Variants in MAP2K4 observed in about 807,000 individuals in gnomAD.
MAP2K4 encodes the protein dual specificity mitogen-activated protein kinase kinase 4.
Under a neutral mutation model 48.5 loss-of-function variants are expected in MAP2K4, and 4 were observed. The observed-to-expected ratio is 0.08, with a 90% CI of 0.04 to 0.19. MAP2K4 has a LOEUF of 0.19. Among genes scored for constraint, MAP2K4 ranks in the 10% least tolerant of loss-of-function variants. The pLI, the probability that MAP2K4 is intolerant of heterozygous loss-of-function variation, is 1.00. For missense variants in MAP2K4, 258 were observed against 493.3 expected (o/e 0.52, Z 4.52); for synonymous variants, 166 against 173.1 (o/e 0.96, Z 0.32).
intron 5 of MAP2K4, among the ~76,000 whole-genome samples, chr17:12,108,278 A>G (rs1440162470): frequency 6.6e-6 from 1 of 152,120 alleles, no homozygotes; most frequent in African/African-American, 2.4e-5. Context: ...GAAGCCCCAT[A>G]ATTGAAGCCC....
intron 1 of MAP2K4, among the ~76,000 whole-genome samples, chr17:12,022,077 C>T (rs893355834): frequency 3.3e-5 from 5 of 152,098 alleles, no homozygotes; most frequent in Admixed American, 1.3e-4. Context: ...GTTGGGGTAC[C>T]CTTGGTAGTC....
intron 3 of MAP2K4, among the ~76,000 whole-genome samples, chr17:12,088,522 A>G (rs994042642): frequency 1.1e-5 from 1 of 94,250 alleles, no homozygotes; most frequent in African/African-American, 3.1e-5. Context: ...ATATGTATGT[A>G]ATATATAATA....
chr17:12,039,784 GTTTC>G (rs1969717953), intron 1 of MAP2K4, among the ~76,000 whole-genome samples: 1 of 152,146 alleles, frequency 6.6e-6, no homozygotes, highest in Non-Finnish European at 1.5e-5. Flanking sequence ...TGTCTCTTAA[GTTTC>G]TTTAAGTCTG....
At chr17:12,053,798 T>C (rs1970209787) in intron 1 of MAP2K4, among the ~76,000 whole-genome samples, 1 of 152,082 alleles carries the variant, frequency 6.6e-6, no homozygotes, top group African/African-American at 2.4e-5. Context: ...CTCCATCCAG[T>C]GTGGCTCCGT....
intron 4 of MAP2K4, 88 bp downstream of exon 4, chr17:12,095,782 A>G: frequency 6.5e-6 from 9 of 1,379,512 alleles, no homozygotes; most frequent in African/African-American, 1.4e-5. Context: ...CTTAAATGCC[A>G]TACATTAGTA....
chr17:12,042,135 C>T (rs1377343774), intron 1 of MAP2K4, among the ~76,000 whole-genome samples: 8 of 114,884 alleles, frequency 7.0e-5, no homozygotes, highest in East Asian at 3.0e-4. Flanking sequence ...GAACCGAGAT[C>T]GTGCCTGGGC....
chr17:12,047,585 T>TA (rs1424309386), intron 1 of MAP2K4, among the ~76,000 whole-genome samples: 4 of 152,242 alleles, frequency 2.6e-5, no homozygotes, highest in Non-Finnish European at 5.9e-5. Flanking sequence ...TGGATTAGGA[T>TA]AGGAATAAGA....
chr17:12,024,218 G>A (rs1057391175), intron 1 of MAP2K4, among the ~76,000 whole-genome samples: 4 of 152,162 alleles, frequency 2.6e-5, no homozygotes, highest in African/African-American at 9.7e-5. Context: ...TGAAACAGAA[G>A]TCTAGCTATC....
At chr17:12,121,704 G>A (rs770165424) in intron 7 of MAP2K4, among the ~76,000 whole-genome samples, 3 of 151,878 alleles carry the variant, frequency 2.0e-5, no homozygotes, top group Non-Finnish European at 2.9e-5. Flanking sequence ...AGAAGGTCTC[G>A]CATTCTTATA....
chr17:12,081,832 A>C lies in MAP2K4; in HGVS notation c.393+302A>C, dbSNP rs556626012. The C allele has an allele frequency of 3.0e-4, 152 of 500,044 alleles. No individual in the cohort carries two copies. The highest frequency in any genetic ancestry group is 2.6e-3 in the African/African-American group (136 of 52,082). The allele number at this position is 500,044 out of a possible 1,614,324, so 31.0% of individuals were successfully genotyped here. ...AGGTGAGTTCAGGCTGGGCGGCTGC[A>C]CCCCTGGGAGCAGGGCAGTGCTGCA... is the stretch of plus-strand genomic sequence containing the variant. On this transcript the variant is annotated intron_variant, in intron 3 of 10. Coordinates refer to ENST00000353533, the MANE Select transcript of MAP2K4 (RefSeq NM_003010.4). This position sits in a 1 kb window ranked among gnomAD's most constrained non-coding sequence, Gnocchi z 4.2.
At chr17:12,109,974 TA>T (rs1972250299) in intron 5 of MAP2K4, among the ~76,000 whole-genome samples, 1 of 151,120 alleles carries the variant, frequency 6.6e-6, no homozygotes. Context: ...ACTAAAGATG[TA>T]AAAAGTTAGC....
At chr17:12,102,579 A>T (rs1238206496) in intron 4 of MAP2K4, among the ~76,000 whole-genome samples, 2 of 152,084 alleles carry the variant, frequency 1.3e-5, no homozygotes, top group East Asian at 3.9e-4. Flanking sequence ...ATTTTCTGGA[A>T]GAATTTATAT....
intron 1 of MAP2K4, among the ~76,000 whole-genome samples, chr17:12,035,372 C>T (rs954703521): frequency 6.6e-6 from 1 of 152,162 alleles, no homozygotes; most frequent in African/African-American, 2.4e-5. Flanking sequence ...ACAAAATTAG[C>T]TGGGCGTGGT....
intron 7 of MAP2K4, 79 bp from the exon 8 acceptor site, chr17:12,125,215 T>C: frequency 2.0e-6 from 2 of 1,006,044 alleles, no homozygotes; most frequent in Non-Finnish European, 3.2e-6. Context: ...ATTTTGGCTG[T>C]CTACCCAGCT....
intron 2 of MAP2K4, among the ~76,000 whole-genome samples, chr17:12,072,666 A>G (rs1567645201): frequency 6.6e-6 from 1 of 152,214 alleles, no homozygotes; most frequent in East Asian, 1.9e-4. Flanking sequence ...CTGGTTGATC[A>G]TAGTTCACAT....
At chr17:12,025,129 C>T (rs1969216193) in intron 1 of MAP2K4, among the ~76,000 whole-genome samples, 1 of 152,090 alleles carries the variant, frequency 6.6e-6, no homozygotes, top group Admixed American at 6.5e-5. Context: ...GTTTAAGAAA[C>T]AAAAGGATGT....
At chr17:12,107,625 A>G (rs958923506) in intron 4 of MAP2K4, among the ~76,000 whole-genome samples, 165 bp from the exon 5 acceptor site, 5 of 152,058 alleles carry the variant, frequency 3.3e-5, no homozygotes, top group Non-Finnish European at 7.4e-5. Context: ...AAACCTGAGT[A>G]GAATATTCTG....
intron 4 of MAP2K4, among the ~76,000 whole-genome samples, chr17:12,096,067 TCCCCCCCCCCCCCCCCCC>T (rs570546554): frequency 4.2e-5 from 1 of 23,762 alleles, no homozygotes; most frequent in Non-Finnish European, 8.1e-5. Flanking sequence ...GAGCAACGCC[TCCCCCCCCCCCCCCCCCC>T]CCCGCCGCCA....
intron 9 of MAP2K4, among the ~76,000 whole-genome samples, chr17:12,129,955 A>C (rs1465370482): frequency 2.0e-5 from 3 of 152,216 alleles, no homozygotes. Context: ...GGCTCTTTTA[A>C]ATAAAATCTT....
Sources: allele counts gnomAD v4.1 joint callset (sites outside exome capture counted in the v4.1 genomes callset), GRCh38; gene constraint gnomAD v4.1.1; non-coding constraint Gnocchi (gnomAD v3.1); transcripts MANE v1.5; gene names NCBI Gene and HGNC (gene_info 2026-07-23, HGNC 2026-07-21).